The following ARHGAP24 variants were observed in gnomAD, a reference collection of about 807,000 sequenced individuals.
The protein encoded by ARHGAP24 is rho GTPase-activating protein 24.
A neutral mutation model predicts 76.4 loss-of-function variants in ARHGAP24; 50 were observed. The observed-to-expected ratio is 0.65, with a 90% CI of 0.52 to 0.83. The LOEUF (loss-of-function observed/expected upper bound fraction) is 0.83. ARHGAP24 is among the 40% of genes least tolerant of loss of function. ARHGAP24 has a pLI of 0.00. For synonymous variants in ARHGAP24, 345 were observed against 323.3 expected, an observed-to-expected ratio of 1.07 and a Z score of -0.72; for missense variants, 930 against 914.2, an observed-to-expected ratio of 1.02 and a Z score of -0.22.
chr4:85,679,636 A>G (rs1723127793), intron 2 of ARHGAP24, among the ~76,000 whole-genome samples: 1 of 152,040 alleles, frequency 6.6e-6, no homozygotes, highest in Admixed American at 6.5e-5. Flanking sequence ...TCCTCCTTTG[A>G]GGCACATGAA....
chr4:85,826,069 G>A (rs1729697211), intron 3 of ARHGAP24, among the ~76,000 whole-genome samples: 1 of 152,140 alleles, frequency 6.6e-6, no homozygotes, highest in Non-Finnish European at 1.5e-5. Context: ...CCAGCTCCCA[G>A]CCCTGTGTGT....
chr4:85,737,348 CA>C lies in ARHGAP24; in HGVS notation c.268+15377del, dbSNP rs773996276. Reference sequence around the variant, plus strand: ...AATATCTCCTGTACTTCCTGGAAGCCAGCAGTGCCATTTCATTAGCAGTCTG... The same window carrying C: ...AATATCTCCTGTACTTCCTGGAAGCCGCAGTGCCATTTCATTAGCAGTCTG... On this transcript the variant is annotated intron_variant, in intron 3 of 9. Coordinates refer to ENST00000395184, the MANE Select transcript of ARHGAP24 (RefSeq NM_001025616.3). Among the ~76,000 whole-genome samples the C allele has an allele frequency of 2.6e-5, 4 of 152,116 alleles. 1 individual carries two copies. Among genetic ancestry groups the C allele is most frequent in the Non-Finnish European group, 5.9e-5 (4 of 68,028 alleles).
chr4:85,645,800 T>C (rs1258199718), intron 2 of ARHGAP24, among the ~76,000 whole-genome samples: 1 of 152,046 alleles, frequency 6.6e-6, no homozygotes, highest in Non-Finnish European at 1.5e-5. Context: ...TTATGAAAAA[T>C]ATATATATGA....
chr4:85,751,619 G>A (rs143137545), intron 3 of ARHGAP24, among the ~76,000 whole-genome samples: 18 of 152,298 alleles, frequency 1.2e-4, no homozygotes, highest in Middle Eastern at 3.4e-3. Flanking sequence ...TGTCTTGGAT[G>A]CTAAGCTCTG....
intron 3 of ARHGAP24, among the ~76,000 whole-genome samples, chr4:85,744,137 C>T (rs1485506368): frequency 6.6e-6 from 1 of 152,146 alleles, no homozygotes; most frequent in Non-Finnish European, 1.5e-5. Context: ...TTTTGATTAT[C>T]ACATATGAAT....
At chr4:85,676,485 G>A (rs1722984593) in intron 2 of ARHGAP24, among the ~76,000 whole-genome samples, 1 of 152,114 alleles carries the variant, frequency 6.6e-6, no homozygotes, top group Non-Finnish European at 1.5e-5. Context: ...TGGGGCTTGG[G>A]GTCTGGGTTT....
chr4:85,820,463 A>G (rs1729420714), intron 3 of ARHGAP24, among the ~76,000 whole-genome samples: 1 of 152,150 alleles, frequency 6.6e-6, no homozygotes, highest in South Asian at 2.1e-4. Context: ...AGAAGGGAAC[A>G]ACAGACACTA....
At chr4:85,540,677 A>G (rs373892817) in intron 1 of ARHGAP24, among the ~76,000 whole-genome samples, 1 of 152,156 alleles carries the variant, frequency 6.6e-6, no homozygotes, top group Non-Finnish European at 1.5e-5. Flanking sequence ...TTTTCCTTGT[A>G]TTTATAATCA....
At chr4:85,483,339 A>G (rs956143121) in intron 1 of ARHGAP24, among the ~76,000 whole-genome samples, 3 of 152,174 alleles carry the variant, frequency 2.0e-5, no homozygotes, top group Admixed American at 2.0e-4. Context: ...TGTTCATTAT[A>G]TTTAGTAAAA....
intron 3 of ARHGAP24, among the ~76,000 whole-genome samples, chr4:85,833,276 C>T (rs1406178593): frequency 2.0e-5 from 3 of 152,102 alleles, no homozygotes; most frequent in Non-Finnish European, 2.9e-5. Flanking sequence ...AAGTTGCTAT[C>T]GGAATAGACT....
intron 2 of ARHGAP24, among the ~76,000 whole-genome samples, chr4:85,647,121 G>A (rs1721752907): frequency 6.6e-6 from 1 of 152,076 alleles, no homozygotes; most frequent in Admixed American, 6.6e-5. Context: ...TTTTCTAGTA[G>A]CTGAAATGGG....
chr4:85,510,721 T>C (rs763939345), intron 1 of ARHGAP24, among the ~76,000 whole-genome samples: 7 of 151,364 alleles, frequency 4.6e-5, no homozygotes, highest in Non-Finnish European at 8.8e-5. Context: ...TTATGGTCAT[T>C]TATTTCCTTG....
intron 2 of ARHGAP24, among the ~76,000 whole-genome samples, chr4:85,676,839 G>A (rs1169304474): frequency 1.3e-5 from 2 of 152,314 alleles, no homozygotes; most frequent in East Asian, 3.9e-4. Flanking sequence ...AGAAGTAGTT[G>A]TTTTGAAGTA....
At chr4:85,880,761 C>G (rs910448678) in intron 3 of ARHGAP24, among the ~76,000 whole-genome samples, 1 of 152,170 alleles carries the variant, frequency 6.6e-6, no homozygotes, top group Non-Finnish European at 1.5e-5. Flanking sequence ...GATCTCCTGA[C>G]CTCGTGATCC....
intron 2 of ARHGAP24, among the ~76,000 whole-genome samples, chr4:85,580,947 A>G (rs139595760): frequency 2.6e-5 from 4 of 152,280 alleles, no homozygotes; most frequent in Non-Finnish European, 5.9e-5. Flanking sequence ...TTAACATCTC[A>G]TTACAAAAAC....
chr4:85,849,792 T>A (rs1346557959), intron 3 of ARHGAP24, among the ~76,000 whole-genome samples: 1 of 152,178 alleles, frequency 6.6e-6, no homozygotes, highest in East Asian at 1.9e-4. Flanking sequence ...ATCCCAGGGG[T>A]GAAGCCCACT....
chr4:85,495,094 C>CAA (rs77619824), intron 1 of ARHGAP24, among the ~76,000 whole-genome samples: 2,586 of 70,490 alleles, frequency 0.037, 133 homozygotes, highest in African/African-American at 0.11. Flanking sequence ...GACTCCGTCT[C>CAA]AAAAAAAAAA....
chr4:85,495,094 C>CAAAA (rs77619824), intron 1 of ARHGAP24, among the ~76,000 whole-genome samples: 12 of 70,636 alleles, frequency 1.7e-4, no homozygotes, highest in African/African-American at 5.5e-4. Context: ...GACTCCGTCT[C>CAAAA]AAAAAAAAAA....
At chr4:85,515,057 A>G (rs1724442168) in intron 1 of ARHGAP24, among the ~76,000 whole-genome samples, 1 of 152,074 alleles carries the variant, frequency 6.6e-6, no homozygotes, top group African/African-American at 2.4e-5. Context: ...CTTCTGAGAG[A>G]GTACGTAGAA....
Sources: allele counts gnomAD v4.1 joint callset (sites outside exome capture counted in the v4.1 genomes callset), GRCh38; gene constraint gnomAD v4.1.1; transcripts MANE v1.5; gene names NCBI Gene and HGNC (gene_info 2026-07-23, HGNC 2026-07-21).